The following INSL6 variants were observed in gnomAD, a reference collection of about 807,000 sequenced individuals.
INSL6 encodes the protein insulin-like peptide INSL6.
A neutral mutation model predicts 9.4 loss-of-function variants in INSL6; 16 were observed. The ratio of observed to expected loss-of-function variants is 1.70; its 90% CI spans 1.15 to 2.59. The LOEUF is 2.59. Among genes scored for constraint, INSL6 ranks in the 30% most tolerant of loss-of-function variants. The probability of loss-of-function intolerance (pLI) is 0.00; values close to 1 mark genes in which losing one functional copy is unlikely to be tolerated. For missense variants in INSL6, 391 were observed against 257.3 expected, an observed-to-expected ratio of 1.52 and a Z score of -3.56; for synonymous variants, 154 against 96.9, an observed-to-expected ratio of 1.59 and a Z score of -3.46.
chr9:5,156,061 T>C (rs10974985), intron 2 of INSL6, among the ~76,000 whole-genome samples: 35,712 of 152,026 alleles, frequency 0.23, 4,306 homozygotes, highest in Middle Eastern at 0.28. Context: ...ATTTAAAGGA[T>C]GGTCAGGGAA....
At chr9:5,123,168 A>G (rs762885070), downstream of INSL6, 4 of 1,285,192 alleles carry the variant, frequency 3.1e-6, no homozygotes, top group Admixed American at 7.7e-5. Context: ...TGTTCGTTTG[A>G]TTTTTATAAA....
intron 2 of INSL6, among the ~76,000 whole-genome samples, chr9:5,148,396 C>T (rs1409916037): frequency 1.3e-5 from 2 of 152,084 alleles, no homozygotes; most frequent in Admixed American, 6.6e-5. Flanking sequence ...CTGTATTCTG[C>T]CATGTGAGGG....
At chr9:5,005,290 C>G in the INSL6 span, among the ~76,000 whole-genome samples, 1 of 151,300 alleles carries the variant, frequency 6.6e-6, no homozygotes, top group Non-Finnish European at 1.5e-5. Context: ...GTCCTTTGCC[C>G]ATTTTTAAAT....
chr9:5,112,770 T>G, the INSL6 span: 1 of 604,156 alleles, frequency 1.7e-6, no homozygotes, highest in Non-Finnish European at 2.6e-6. Flanking sequence ...GTGTCGCGCG[T>G]GTTCGGAGGC....
rs536975058 is a variant in INSL6 at position 5,131,220 on chromosome 9, T to A, written c.*10+2205A>T. On this transcript the variant is annotated intron_variant, in intron 3 of 3. Coordinates refer to the INSL6 transcript ENST00000649639. The stretch of plus-strand genomic sequence containing the variant: ...GTATACATATCATACTTTCTTCCTC[T>A]GCTTAATAATTTTGTTGAAGGCTGT... 4.6e-5 allele frequency among the ~76,000 whole-genome samples: 7 copies of A among 152,314 alleles called. No homozygotes were observed. In the South Asian group the frequency reaches 1.2e-3, roughly 27 times the overall value.
chr9:4,992,582 A>G, the INSL6 span, among the ~76,000 whole-genome samples: 6 of 152,158 alleles, frequency 3.9e-5, no homozygotes, highest in African/African-American at 1.2e-4. Flanking sequence ...CTTCTCCTCA[A>G]AGGTCCCTAA....
chr9:4,995,034 G>A, the INSL6 span, among the ~76,000 whole-genome samples: 1 of 152,114 alleles, frequency 6.6e-6, no homozygotes, highest in Non-Finnish European at 1.5e-5. Context: ...AACAAATATT[G>A]CCAAATTGAC....
chr9:5,185,336 GGCCGGGGAA>G lies in INSL6; in HGVS notation c.258_266del (p.Ser87_Ala89del). Reference sequence around the variant, plus strand: ...TACCTGGGTTTGTGCCTCTTCCCCGGGCCGGGGAAGCGGTTTGCGGGCTTTCGAACTGGT... The same window carrying G: ...TACCTGGGTTTGTGCCTCTTCCCCGGGCGGTTTGCGGGCTTTCGAACTGGT... On this transcript the variant is annotated inframe_deletion, in exon 1 of 2. Transcript: ENST00000381641. 6.2e-7 allele frequency: 1 copy of G among 1,614,070 alleles called. No homozygotes were observed. Among genetic ancestry groups the G allele is most frequent in the South Asian group, 1.1e-5 (1 of 91,062 alleles).
chr9:5,157,413 G>T (rs1023105114), intron 2 of INSL6, among the ~76,000 whole-genome samples: 1 of 151,860 alleles, frequency 6.6e-6, no homozygotes, highest in Non-Finnish European at 1.5e-5. Context: ...AAAGATTAAT[G>T]GAAAAAAAGA....
chr9:5,080,375 C>A, the INSL6 span: 1 of 1,611,472 alleles, frequency 6.2e-7, no homozygotes, highest in South Asian at 1.1e-5. Flanking sequence ...TCTGGATTCT[C>A]AAAGAGTAAG....
At chr9:5,082,930 T>A in the INSL6 span, among the ~76,000 whole-genome samples, 2 of 152,232 alleles carry the variant, frequency 1.3e-5, no homozygotes, top group Non-Finnish European at 2.9e-5. Flanking sequence ...CAGATCAAAA[T>A]GGAATTTCTT....
At chr9:5,140,241 T>C (rs953308516) in intron 2 of INSL6, among the ~76,000 whole-genome samples, 13 of 152,106 alleles carry the variant, frequency 8.5e-5, no homozygotes, top group African/African-American at 1.9e-4. Context: ...TAAAGCCATA[T>C]ATAAGAACAT....
At chr9:5,029,030 A>AG in the INSL6 span, among the ~76,000 whole-genome samples, 1 of 152,228 alleles carries the variant, frequency 6.6e-6, no homozygotes. Flanking sequence ...CTGGTGCAGG[A>AG]GGCCTGGCTT....
chr9:5,011,134 G>A, the INSL6 span, among the ~76,000 whole-genome samples: 3 of 152,006 alleles, frequency 2.0e-5, no homozygotes, highest in Non-Finnish European at 2.9e-5. Flanking sequence ...TTTTTGGATC[G>A]GTGGTTTGAT....
the INSL6 span, chr9:5,109,848 T>C: frequency 6.6e-6 from 1 of 152,208 alleles, no homozygotes; most frequent in Non-Finnish European, 1.5e-5. Flanking sequence ...CATCACAGTA[T>C]TCTTCCAATA....
the INSL6 span, among the ~76,000 whole-genome samples, chr9:5,010,612 G>T: frequency 6.6e-6 from 1 of 152,156 alleles, no homozygotes. Context: ...GGGCCACCAC[G>T]CCTGGCTGTC....
chr9:5,138,759 C>T (rs1379213751), intron 2 of INSL6, among the ~76,000 whole-genome samples: 1 of 151,736 alleles, frequency 6.6e-6, no homozygotes, highest in South Asian at 2.1e-4. Context: ...TACTGAATCC[C>T]ACTGATTTAA....
the INSL6 span, chr9:5,069,155 G>A: frequency 5.0e-6 from 8 of 1,611,996 alleles, no homozygotes; most frequent in Non-Finnish European, 5.9e-6. Context: ...GAAACTGTTC[G>A]CTCAGACAAT....
At chr9:5,126,737 C>T in intron 3 of INSL6, 1 of 1,611,136 alleles carries the variant, frequency 6.2e-7, no homozygotes, top group Non-Finnish European at 8.5e-7. Flanking sequence ...AACGCCCCTC[C>T]TTTAGGGATC....
Sources: allele counts gnomAD v4.1 joint callset (sites outside exome capture counted in the v4.1 genomes callset), GRCh38; gene constraint gnomAD v4.1.1; transcripts MANE v1.5; gene names NCBI Gene and HGNC (gene_info 2026-07-23, HGNC 2026-07-21).